CHD7: variants seen among roughly 807,000 people sequenced by gnomAD.
CHD7 encodes the protein chromodomain helicase DNA binding protein 7.
Under a neutral mutation model 307.3 loss-of-function variants are expected in CHD7, and 24 were observed. The observed-to-expected ratio is 0.08, with a 90% confidence interval of 0.06 to 0.11. The LOEUF (loss-of-function observed/expected upper bound fraction) is 0.11, where lower values mean the gene tolerates loss of function less well. Ranked by LOEUF, CHD7 falls within the 10% of genes least tolerant of loss-of-function variation. The pLI, the probability that CHD7 is intolerant of heterozygous loss-of-function variation, is 1.00. For missense variants in CHD7, 3,106 were observed against 3,727.1 expected, an observed-to-expected ratio of 0.83 and a Z score of 4.34; for synonymous variants, 1,363 against 1,349.9, an observed-to-expected ratio of 1.01 and a Z score of -0.21.
chr8:60,845,788 A>G (rs980359222), intron 23 of CHD7, among the ~76,000 whole-genome samples: 4 of 152,236 alleles, frequency 2.6e-5, no homozygotes, highest in African/African-American at 9.6e-5. Flanking sequence ...ATTCATTGGC[A>G]TTAATTACAC....
At chr8:60,738,271 C>T (rs1284367688) in intron 1 of CHD7, among the ~76,000 whole-genome samples, 1 of 152,086 alleles carries the variant, frequency 6.6e-6, no homozygotes, top group African/African-American at 2.4e-5. Flanking sequence ...CTAGCTTATT[C>T]ATTTTTTTAT....
At chr8:60,806,467 T>G (rs1812541625) in intron 6 of CHD7, among the ~76,000 whole-genome samples, 1 of 152,238 alleles carries the variant, frequency 6.6e-6, no homozygotes, top group Non-Finnish European at 1.5e-5. Context: ...TATTTATAAA[T>G]TAATTCCATG....
In CHD7 at chr8:60,865,637, C is replaced by T; in HGVS notation, c.8698C>T (p.Pro2900Ser). ...FNPFLLSTMA[P>S]GLFYPSMFLP... is the part of the protein sequence containing the mutation. ...CCCTTTCCTCCTGTCCACAATGGCCCCGGGCCTCTTCTACCCATCCATGTT... is the reference window on the plus strand; with the variant it reads ...CCCTTTCCTCCTGTCCACAATGGCCTCGGGCCTCTTCTACCCATCCATGTT... The change falls in exon 38 of 38, where the codon CCG (proline) becomes TCG (serine). Residue 2900 changes from proline to serine, a missense_variant. Coordinates refer to ENST00000423902, the MANE Select transcript of CHD7 (RefSeq NM_017780.4). This position sits in a 1 kb window ranked among gnomAD's most constrained non-coding sequence, Gnocchi z 4.3. 6.2e-7 allele frequency: 1 copy of T among 1,611,900 alleles called. No individual in the cohort carries two copies. The highest frequency in any genetic ancestry group is 8.5e-7 in the Non-Finnish European group (1 of 1,178,286).
rs1421390142 is a variant in CHD7, at chr8:60,821,803, A to G, written c.2711A>G (p.Tyr904Cys). 5 of 1,560,714 alleles carry G rather than the reference A, an allele frequency of 3.2e-6. No individual in the cohort carries two copies. Among genetic ancestry groups the G allele is most frequent in the Admixed American group, 1.9e-5 (1 of 51,444 alleles). ...TDDRGEPVTH[Y>C]LVKWCSLPYE... The stretch of plus-strand genomic sequence containing the variant: ...AATCTGGTCCAGCCTGTGACTCACT[A>G]TCTGGTGAAGTGGTGTTCACTTCCT... Residue 904 changes from tyrosine to cysteine, a missense_variant, in exon 10 of 38, where the codon TAT (tyrosine) becomes TGT (cysteine). Around this residue, in one of 10 missense-constraint regions of CHD7, gnomAD observed 188 missense variants for 261.7 expected, o/e 0.72. Coordinates refer to ENST00000423902, the MANE Select transcript of CHD7 (RefSeq NM_017780.4).
rs1804771415 is a variant in CHD7, at chr8:60,837,014, TAAATGCACAAGAA to T, written c.4185+4_4185+16del. ...TGGAATCCCCAAAATGACCTCCAGG[TAAATGCACAAGAA>T]AGTCCTGATGCCTTTAAAAAGGAAG... On this transcript the variant is annotated splice_donor_5th_base_variant and intron_variant, in intron 17 of 37. Transcript: ENST00000423902. 6.2e-7 allele frequency: 1 copy of T among 1,604,910 alleles called. No individual in the cohort carries two copies. Among genetic ancestry groups the T allele is most frequent in the Non-Finnish European group, 8.5e-7 (1 of 1,173,942 alleles).
chr8:60,765,639 G>GGCT (rs1237643807), intron 2 of CHD7, among the ~76,000 whole-genome samples: 2 of 152,204 alleles, frequency 1.3e-5, no homozygotes, highest in African/African-American at 2.4e-5. Flanking sequence ...GCCTTTGTGC[G>GGCT]GCTGCTGCTG....
intron 1 of CHD7, among the ~76,000 whole-genome samples, chr8:60,738,831 T>C (rs187949327): frequency 8.5e-4 from 129 of 152,268 alleles, no homozygotes; most frequent in Non-Finnish European, 1.5e-3. Context: ...ACATGCTTAG[T>C]TGATACCATA....
chr8:60,757,917 A>G (rs1038353), intron 2 of CHD7, among the ~76,000 whole-genome samples: 32,738 of 152,086 alleles, frequency 0.22, 5,760 homozygotes, highest in African/African-American at 0.49. Context: ...TCTGTTTATA[A>G]TTGTTTTATT....
At position 60,837,634 on chromosome 8, in the gene CHD7, A is replaced by G. The variant is rs1311648032; in HGVS notation, c.4186-34A>G. The stretch of plus-strand genomic sequence containing the variant: ...GTGGGGAGACAGAAACATTAGGTTC[A>G]TTGCAGTAACTATTAATTTCATTTT... On this transcript the variant is annotated intron_variant, in intron 17 of 37. Coordinates refer to ENST00000423902, the MANE Select transcript of CHD7 (RefSeq NM_017780.4). The G allele has an allele frequency of 6.7e-6, 10 of 1,494,454 alleles. No homozygotes were observed. In the South Asian group the frequency reaches 1.2e-4, roughly 18 times the overall value. The allele number at this position is 1,494,454 out of a possible 1,614,324, so 92.6% of individuals were successfully genotyped here.
At chr8:60,831,223 G>A (rs1804506477) in intron 15 of CHD7, among the ~76,000 whole-genome samples, 1 of 152,218 alleles carries the variant, frequency 6.6e-6, no homozygotes, top group Middle Eastern at 3.4e-3. Context: ...GAATGCAAAG[G>A]TAAATAAGAA....
intron 2 of CHD7, among the ~76,000 whole-genome samples, chr8:60,761,542 C>G (rs1174175635): frequency 6.6e-6 from 1 of 151,734 alleles, no homozygotes; most frequent in Non-Finnish European, 1.5e-5. Context: ...TTTTTCTGCT[C>G]TCAGGGTACA....
chr8:60,716,233 C>T (rs1397862387), intron 1 of CHD7, among the ~76,000 whole-genome samples: 1 of 152,208 alleles, frequency 6.6e-6, no homozygotes, highest in Non-Finnish European at 1.5e-5. Context: ...CTGCTGTTGC[C>T]TGTGTTGCCT....
rs573712997 is a variant in CHD7 at position 60,847,197 on chromosome 8, G to A, written c.5211-1318G>A. Reference sequence around the variant, plus strand: ...ACCCATGCTGGCCGTGAGTAGGCTCGTGGTTGGGGGAGGGCCTGTTGAGGA... The same window carrying A: ...ACCCATGCTGGCCGTGAGTAGGCTCATGGTTGGGGGAGGGCCTGTTGAGGA... On this transcript the variant is annotated intron_variant, in intron 23 of 37. Transcript: ENST00000423902. 3.9e-5 allele frequency among the ~76,000 whole-genome samples: 6 copies of A among 152,330 alleles called. No individual in the cohort carries two copies. In the East Asian group the frequency reaches 1.2e-3, roughly 29 times the overall value.
chr8:60,742,140 C>T lies in CHD7; in HGVS notation c.708C>T (p.Ser236=), dbSNP rs2150578971. The stretch of plus-strand genomic sequence containing the variant: ...CCACCTCAGGACCTGGCCACTTGTC[C>T]CACGTGCCCCAGCAGAGTCCCAGCA... ...FIATSGPGHL[S]HVPQQSPSMA... The change falls in exon 2 of 38, where the codon TCC becomes TCT. Residue 236 remains serine, a synonymous_variant. Transcript: ENST00000423902. 2 of 1,613,974 alleles carry T rather than the reference C, an allele frequency of 1.2e-6. No individual in the cohort carries two copies. Among genetic ancestry groups the T allele is most frequent in the East Asian group, 4.5e-5 (2 of 44,880 alleles).
chr8:60,850,590 A>G lies in CHD7; in HGVS notation c.5502A>G (p.Arg1834=). ...PDAKAIAAEQ[R]GTDMLADGGD... is the part of the protein sequence containing the mutation. ...CCAAGGCCATAGCTGCCGAGCAAAG[A>G]GGAACAGACATGCTAGCAGATGGTG... is the stretch of plus-strand genomic sequence containing the variant. The change falls in exon 26 of 38, where the codon AGA becomes AGG. Residue 1834 remains arginine, a synonymous_variant. Coordinates refer to ENST00000423902, the MANE Select transcript of CHD7 (RefSeq NM_017780.4). 1 of 1,613,124 alleles carries G rather than the reference A, an allele frequency of 6.2e-7. No individual in the cohort carries two copies.
rs966839733 is a variant in CHD7, at chr8:60,853,165, C to G, written c.6440C>G (p.Ala2147Gly). 2 of 1,613,846 alleles carry G rather than the reference C, an allele frequency of 1.2e-6. No homozygotes were observed. Among genetic ancestry groups the G allele is most frequent in the Middle Eastern group, 1.6e-4 (1 of 6,062 alleles). ...AGNTSSLNPL[A>G]VGFVQTPPVI... ...AATACATCTTCCTTGAACCCACTGG[C>G]AGTTGGATTTGTCCAGACTCCTCCA... The change falls in exon 31 of 38, where the codon GCA (alanine) becomes GGA (glycine). Residue 2147 changes from alanine (A) to glycine (G), a missense_variant. Coordinates refer to ENST00000423902, the MANE Select transcript of CHD7 (RefSeq NM_017780.4).
chr8:60,684,171 AAACTT>A (rs1234751611), intron 1 of CHD7, among the ~76,000 whole-genome samples: 1 of 152,222 alleles, frequency 6.6e-6, no homozygotes, highest in South Asian at 2.1e-4. Context: ...ATTTATGAAG[AAACTT>A]AACTTGTCAG....
chr8:60,679,098 C>T lies in CHD7; in HGVS notation c.-175+16C>T, dbSNP rs1805423945. The T allele has an allele frequency of 6.4e-6, 1 of 155,538 alleles. No individual in the cohort carries two copies. The highest frequency in any genetic ancestry group is 1.4e-5 in the Non-Finnish European group (1 of 71,812). The allele number at this position is 155,538 out of a possible 1,614,324, so 9.6% of individuals were successfully genotyped here. The stretch of plus-strand genomic sequence containing the variant: ...GACCGACCCGGTGAGCGCGAGAGTT[C>T]GCCCGGCGCCCCCGGGAGGGGCGGC... On this transcript the variant is annotated intron_variant, in intron 1 of 37. Transcript: ENST00000423902.
chr8:60,794,221 A>G (rs1371002347), intron 3 of CHD7, among the ~76,000 whole-genome samples: 1 of 152,186 alleles, frequency 6.6e-6, no homozygotes, highest in Non-Finnish European at 1.5e-5. Flanking sequence ...GTAATGGCAA[A>G]TGTAAAACAT....
Sources: gnomAD v4.1 joint callset for allele counts (sites outside exome capture counted in the v4.1 genomes callset) on GRCh38, gnomAD v4.1.1 for gene constraint, gnomAD v4.1.1 regional missense constraint, Gnocchi (gnomAD v3.1) non-coding constraint, MANE v1.5 for transcripts, NCBI Gene and HGNC (gene_info 2026-07-23, HGNC 2026-07-21) for gene names.